Variants in PNPLA1 observed in about 807,000 individuals in gnomAD.
The protein encoded by PNPLA1 is patatin like domain 1, omega-hydroxyceramide transacylase.
Under a neutral mutation model 51.7 loss-of-function variants are expected in PNPLA1, and 36 were observed. The observed-to-expected ratio is 0.70, with a 90% CI of 0.53 to 0.92. PNPLA1 has a LOEUF of 0.92. Among genes scored for constraint, PNPLA1 ranks in the 40% least tolerant of loss-of-function variants. The pLI, the probability that PNPLA1 is intolerant of heterozygous loss-of-function variation, is 0.00. For missense variants in PNPLA1, 658 were observed against 682.5 expected (o/e 0.96, Z 0.40); for synonymous variants, 293 against 280.1 (o/e 1.05, Z -0.46).
Position 36,294,258 on chromosome 6 carries a change from C to T in PNPLA1, c.573C>T (p.Ser191=), listed in dbSNP as rs372646217. ...TCTGGACCGACGCCATCACCATCTC[C>T]ACCTTCAGTGGGCAGCAGGACATCT... The part of the protein sequence containing the change: ...CAFWTDAITI[S]TFSGQQDICP... The change falls in exon 4 of 9, where the codon TCC becomes TCT. Residue 191 remains serine, a synonymous_variant. Transcript: ENST00000636260. The surrounding 1 kb of genome is among the most constrained non-coding windows in gnomAD (Gnocchi z 4.2). 3.7e-6 allele frequency: 6 copies of T among 1,614,112 alleles called. No individual in the cohort carries two copies. Among genetic ancestry groups the T allele is most frequent in the African/African-American group, 1.3e-5 (1 of 74,938 alleles).
At chr6:36,290,501 T>C (rs903488076) in intron 1 of PNPLA1, among the ~76,000 whole-genome samples, 92 of 152,206 alleles carry the variant, frequency 6.0e-4, no homozygotes, top group African/African-American at 2.1e-3. Flanking sequence ...CTCAGTTTCC[T>C]GATCAGTAAA....
chr6:36,288,443 A>ATT (rs34132369), intron 1 of PNPLA1, among the ~76,000 whole-genome samples: 27,952 of 125,434 alleles, frequency 0.22, 3,969 homozygotes, highest in Non-Finnish European at 0.32. Flanking sequence ...AGGAGACCCT[A>ATT]TTTTTTTTTT....
At chr6:36,300,178 T>TGTGAGAGAGA in intron 5 of PNPLA1, among the ~76,000 whole-genome samples, 6 of 98,088 alleles carry the variant, frequency 6.1e-5, no homozygotes, top group African/African-American at 2.0e-4. Context: ...TGTGTGTGTG[T>TGTGAGAGAGA]GAGAGAGAGA....
At chr6:36,271,035 C>T (rs1297356116) in intron 1 of PNPLA1, among the ~76,000 whole-genome samples, 2 of 152,178 alleles carry the variant, frequency 1.3e-5, no homozygotes, top group South Asian at 2.1e-4. Context: ...CAGTGTTGCT[C>T]CTGCCTGGCC....
chr6:36,259,067 C>T (rs1038794289), intron 1 of PNPLA1, among the ~76,000 whole-genome samples: 1 of 152,192 alleles, frequency 6.6e-6, no homozygotes, highest in East Asian at 1.9e-4. Context: ...TCCAACTCAT[C>T]ATTGTGTTGT....
intron 1 of PNPLA1, among the ~76,000 whole-genome samples, chr6:36,250,484 C>T (rs1260817154): frequency 1.3e-5 from 2 of 152,166 alleles, no homozygotes; most frequent in African/African-American, 4.8e-5. Flanking sequence ...TGTGAAAATA[C>T]CACCACCACC....
rs1285929454 is a variant in PNPLA1 at position 36,306,392 on chromosome 6, G to A, written c.1469+16G>A. 6 of 1,598,314 alleles carry A rather than the reference G, an allele frequency of 3.8e-6. No individual in the cohort carries two copies. The East Asian group carries it at 9.0e-5, about 24-fold the overall frequency. On this transcript the variant is annotated intron_variant, in intron 7 of 8. Coordinates refer to ENST00000636260, the MANE Select transcript of PNPLA1 (RefSeq NM_001374623.1). ...CTTATGTAACGTAAGTTTCCCCTTC[G>A]TGGAGCACGCTCTTTCCTTTGGACG...
At chr6:36,265,141 GACTAGCCTAGTCA>G (rs1328626714), upstream of PNPLA1, among the ~76,000 whole-genome samples, 1 of 152,164 alleles carries the variant, frequency 6.6e-6, no homozygotes, top group Non-Finnish European at 1.5e-5. Context: ...AGGAGTTTGT[GACTAGCCTAGTCA>G]ACATGGTGAA....
intron 7 of PNPLA1, among the ~76,000 whole-genome samples, chr6:36,306,709 G>T (rs142296387): frequency 1.8e-3 from 269 of 152,166 alleles, no homozygotes; most frequent in African/African-American, 5.9e-3. Context: ...GTTCCAAGAG[G>T]GCCTGCAGGC....
At chr6:36,244,880 G>T (rs1448998984) in intron 1 of PNPLA1, among the ~76,000 whole-genome samples, 2 of 152,212 alleles carry the variant, frequency 1.3e-5, no homozygotes, top group Non-Finnish European at 2.9e-5. Flanking sequence ...TTACTGCAGG[G>T]TGCCAAGCAA....
chr6:36,282,662 T>A (rs6940515), intron 1 of PNPLA1, among the ~76,000 whole-genome samples: 87,727 of 151,960 alleles, frequency 0.58, 25,404 homozygotes, highest in East Asian at 0.62. Flanking sequence ...CCTTGCTTGA[T>A]CTGTGTGTAT....
rs781396380 is a variant in PNPLA1, at chr6:36,302,020, A to G, written c.935A>G (p.Lys312Arg). 6.8e-6 allele frequency: 11 copies of G among 1,614,052 alleles called. No homozygotes were observed. The Admixed American group carries it at 1.8e-4, about 27-fold the overall frequency. Residue 312 changes from lysine to arginine, a missense_variant, in exon 6 of 9, where the codon AAG (lysine) becomes AGG (arginine). Transcript: ENST00000636260. The stretch of plus-strand genomic sequence containing the variant: ...CTGGAAGGAGCCACACAACCTCACA[A>G]GGAGTGGGTTCCCAAAGGGGATGGA... The part of the protein sequence containing the change: ...ASLEGATQPH[K>R]EWVPKGDGRG...
chr6:36,294,395 T>A lies in PNPLA1; in HGVS notation c.710T>A (p.Leu237Gln). ...RMTHALFPPDLVILHDYYYRG... is the reference protein window; with the variant it reads ...RMTHALFPPDQVILHDYYYRG... Reference sequence around the variant, plus strand: ...ACCCACGCATTGTTCCCCCCGGACCTGGTGGTGAGAGGCAGGAGGGGTCTG... The same window carrying A: ...ACCCACGCATTGTTCCCCCCGGACCAGGTGGTGAGAGGCAGGAGGGGTCTG... The change falls in exon 4 of 9, where the codon CTG (leucine) becomes CAG (glutamine). Residue 237 changes from leucine (L) to glutamine (Q), a missense_variant. Transcript: ENST00000636260. This position sits in a 1 kb window ranked among gnomAD's most constrained non-coding sequence, Gnocchi z 4.2. The A allele has an allele frequency of 6.2e-7, 1 of 1,613,672 alleles. No individual in the cohort carries two copies. Among genetic ancestry groups the A allele is most frequent in the Non-Finnish European group, 8.5e-7 (1 of 1,179,712 alleles).
chr6:36,305,522 T>C (rs1010090317), intron 6 of PNPLA1, among the ~76,000 whole-genome samples: 98 of 152,242 alleles, frequency 6.4e-4, no homozygotes, highest in African/African-American at 2.2e-3. Context: ...TAATACATAA[T>C]TACATATTAA....
intron 1 of PNPLA1, among the ~76,000 whole-genome samples, chr6:36,278,650 G>T (rs531618514): frequency 6.6e-6 from 1 of 152,296 alleles, no homozygotes; most frequent in African/African-American, 2.4e-5. Context: ...ATACATGGGG[G>T]ATCTTGCTAA....
chr6:36,303,270 A>G (rs1268108772), intron 6 of PNPLA1, among the ~76,000 whole-genome samples: 3 of 151,978 alleles, frequency 2.0e-5, no homozygotes, highest in Non-Finnish European at 4.4e-5. Context: ...AATTTTTTGT[A>G]TTTTTAGTAA....
chr6:36,255,204 T>TAA (rs59540425), intron 1 of PNPLA1, among the ~76,000 whole-genome samples: 4 of 150,454 alleles, frequency 2.7e-5, no homozygotes, highest in South Asian at 2.1e-4. Flanking sequence ...CCTTCTCTAC[T>TAA]AAAAAAAAAT....
intron 8 of PNPLA1, among the ~76,000 whole-genome samples, chr6:36,309,398 G>A (rs936756831): frequency 6.6e-6 from 1 of 152,096 alleles, no homozygotes; most frequent in African/African-American, 2.4e-5. Context: ...GTCTCTAGGA[G>A]CTCATGGTCA....
intron 1 of PNPLA1, among the ~76,000 whole-genome samples, chr6:36,260,802 T>A (rs1439359784): frequency 4.6e-5 from 7 of 152,212 alleles, no homozygotes; most frequent in Admixed American, 4.6e-4. Flanking sequence ...CACAAGCATT[T>A]ATCTATCTTT....
Sources: gnomAD v4.1 joint callset for allele counts (sites outside exome capture counted in the v4.1 genomes callset) on GRCh38, gnomAD v4.1.1 for gene constraint, Gnocchi (gnomAD v3.1) non-coding constraint, MANE v1.5 for transcripts, NCBI Gene and HGNC (gene_info 2026-07-23, HGNC 2026-07-21) for gene names.